Variants in ATP9A observed in about 807,000 individuals in gnomAD.
The protein encoded by ATP9A is ATPase phospholipid transporting 9A, also known as probable phospholipid-transporting ATPase IIA.
Under a neutral mutation model 144.1 loss-of-function variants are expected in ATP9A, and 52 were observed. That is an observed-to-expected ratio of 0.36 (90% CI 0.29 to 0.45). The LOEUF (loss-of-function observed/expected upper bound fraction) is 0.45. Ranked by LOEUF, ATP9A falls within the 20% of genes least tolerant of loss-of-function variation. The pLI, the probability that ATP9A is intolerant of heterozygous loss-of-function variation, is 1.00. For synonymous variants in ATP9A, 582 were observed against 557.4 expected, an observed-to-expected ratio of 1.04 and a Z score of -0.62; for missense variants, 947 against 1,392.7, an observed-to-expected ratio of 0.68 and a Z score of 5.09.
chr20:51,738,324 C>A (rs117344193), intron 1 of ATP9A, among the ~76,000 whole-genome samples: 5,361 of 152,236 alleles, frequency 0.035, 129 homozygotes, highest in Non-Finnish European at 0.056. Flanking sequence ...AGCCATGGTG[C>A]CTGGCCTAAA....
intron 1 of ATP9A, among the ~76,000 whole-genome samples, chr20:51,758,570 C>CA (rs1433106533): frequency 2.0e-5 from 3 of 152,326 alleles, no homozygotes; most frequent in African/African-American, 7.2e-5. Context: ...AGGGTGCCCC[C>CA]ATCTCCTTGC....
chr20:51,738,279 C>A (rs187430560), intron 1 of ATP9A, among the ~76,000 whole-genome samples: 107 of 152,212 alleles, frequency 7.0e-4, no homozygotes, highest in African/African-American at 2.4e-3. Context: ...ATCCACCCAC[C>A]CGTGACCTCC....
intron 27 of ATP9A, among the ~76,000 whole-genome samples, chr20:51,604,477 C>T: frequency 6.6e-6 from 1 of 152,168 alleles, no homozygotes; most frequent in East Asian, 1.9e-4. Flanking sequence ...CCCCTTTTAT[C>T]AGTTTCATAG....
At chr20:51,690,240 GA>G (rs1279736688) in intron 8 of ATP9A, among the ~76,000 whole-genome samples, 5 of 151,376 alleles carry the variant, frequency 3.3e-5, no homozygotes, top group East Asian at 2.0e-4. Context: ...CTAACACCGT[GA>G]AAACCCGTCT....
chr20:51,747,098 GTT>G (rs11467381), intron 1 of ATP9A, among the ~76,000 whole-genome samples: 32,103 of 138,586 alleles, frequency 0.23, 3,754 homozygotes, highest in Non-Finnish European at 0.27. Flanking sequence ...TGGGTTTTTC[GTT>G]TTTTTTTTTT....
At chr20:51,649,077 G>T (rs775786471) in intron 14 of ATP9A, among the ~76,000 whole-genome samples, 1 of 151,932 alleles carries the variant, frequency 6.6e-6, no homozygotes, top group Non-Finnish European at 1.5e-5. Context: ...AGGGACCAAA[G>T]AATAAAAATA....
chr20:51,726,314 A>C (rs2077712859), intron 2 of ATP9A, among the ~76,000 whole-genome samples: 1 of 10,216 alleles, frequency 9.8e-5, no homozygotes, highest in African/African-American at 3.8e-4. Context: ...ACTCTGTCTC[A>C]AAAAAAAAAA....
intron 15 of ATP9A, among the ~76,000 whole-genome samples, chr20:51,629,874 T>C (rs2077263653): frequency 6.6e-6 from 1 of 152,196 alleles, no homozygotes; most frequent in Non-Finnish European, 1.5e-5. Context: ...GAATCAAGCA[T>C]GTAGCACAGA....
chr20:51,722,903 C>G (rs886398455), intron 3 of ATP9A, among the ~76,000 whole-genome samples: 2 of 152,182 alleles, frequency 1.3e-5, no homozygotes, highest in Non-Finnish European at 2.9e-5. Context: ...TATAGTGGCA[C>G]AATTCACAAT....
intron 25 of ATP9A, among the ~76,000 whole-genome samples, chr20:51,607,875 C>T (rs2077169745): frequency 6.6e-6 from 1 of 151,998 alleles, no homozygotes; most frequent in South Asian, 2.1e-4. Flanking sequence ...GAAACCTCCT[C>T]TTTACTAAAA....
intron 14 of ATP9A, among the ~76,000 whole-genome samples, chr20:51,646,886 G>C (rs2092574): frequency 0.46 from 70,064 of 152,010 alleles, 17,695 homozygotes; most frequent in East Asian, 0.8. Flanking sequence ...GGAGGCTGAA[G>C]TGGGCGGATC....
chr20:51,733,939 G>T (rs769109393), intron 1 of ATP9A, among the ~76,000 whole-genome samples: 1 of 151,714 alleles, frequency 6.6e-6, no homozygotes, highest in African/African-American at 2.4e-5. Context: ...CTCCCAAAGT[G>T]GTGGGGTTAC....
At chr20:51,700,382 T>C (rs1038434005) in intron 4 of ATP9A, among the ~76,000 whole-genome samples, 1 of 151,698 alleles carries the variant, frequency 6.6e-6, no homozygotes, top group African/African-American at 2.4e-5. Flanking sequence ...ATCAGCCAGG[T>C]GTGGTGATGT....
At chr20:51,718,826 A>AAAAAAAAAAC (rs2077674937) in intron 3 of ATP9A, among the ~76,000 whole-genome samples, 1 of 56,994 alleles carries the variant, frequency 1.8e-5, no homozygotes, top group Non-Finnish European at 4.1e-5. Flanking sequence ...AAAAAAAAAA[A>AAAAAAAAAAC]AAAAAAAAAA....
chr20:51,744,872 G>A (rs1318509378), intron 1 of ATP9A, among the ~76,000 whole-genome samples: 1 of 152,234 alleles, frequency 6.6e-6, no homozygotes, highest in African/African-American at 2.4e-5. Flanking sequence ...GCTCATGCCT[G>A]TAATCCCAGT....
intron 26 of ATP9A, among the ~76,000 whole-genome samples, chr20:51,607,134 C>T (rs924513453): frequency 6.6e-5 from 10 of 152,116 alleles, no homozygotes; most frequent in East Asian, 1.9e-4. Context: ...CATCTTACAA[C>T]GCCTCCACAG....
intron 27 of ATP9A, among the ~76,000 whole-genome samples, chr20:51,602,953 G>A (rs1455565112): frequency 6.6e-6 from 1 of 152,146 alleles, no homozygotes; most frequent in Non-Finnish European, 1.5e-5. Flanking sequence ...TTCCCCAGGC[G>A]GTGGGGTCCA....
Position 51,611,475 on chromosome 20 carries a change from A to G in ATP9A, c.2572-1310T>C, listed in dbSNP as rs1568784280. Among the ~76,000 whole-genome samples the G allele has an allele frequency of 6.6e-6, 1 of 152,200 alleles. No homozygotes were observed. The highest frequency in any genetic ancestry group is 1.5e-5 in the Non-Finnish European group (1 of 68,042). ...ACCACAAAGTCTTCATCTCGACAAG[A>G]GCACTTTGGGAAAAATAAAAACACT... is the stretch of plus-strand genomic sequence containing the variant. On this transcript the variant is annotated intron_variant, in intron 23 of 27. Coordinates refer to ENST00000338821, the MANE Select transcript of ATP9A (RefSeq NM_006045.3). This position sits in a 1 kb window ranked among gnomAD's most constrained non-coding sequence, Gnocchi z 4.2.
At chr20:51,748,041 T>G (rs575091799) in intron 1 of ATP9A, among the ~76,000 whole-genome samples, 1 of 152,274 alleles carries the variant, frequency 6.6e-6, no homozygotes, top group Non-Finnish European at 1.5e-5. Flanking sequence ...TCTGTGCTCT[T>G]CACAAGGAGA....
Sources: gnomAD v4.1 joint callset for allele counts (sites outside exome capture counted in the v4.1 genomes callset) on GRCh38, gnomAD v4.1.1 for gene constraint, Gnocchi (gnomAD v3.1) non-coding constraint, MANE v1.5 for transcripts, NCBI Gene and HGNC (gene_info 2026-07-23, HGNC 2026-07-21) for gene names.